The following RGS20 variants were observed in gnomAD, a reference collection of about 807,000 sequenced individuals.
RGS20 encodes the protein gz-selective GTPase-activating protein.
A neutral mutation model predicts 33.6 loss-of-function variants in RGS20; 30 were observed. The ratio of observed to expected loss-of-function variants is 0.89; its 90% CI spans 0.67 to 1.21. RGS20 has a LOEUF of 1.21. Ranked by LOEUF, RGS20 falls within the 50% of genes most tolerant of loss-of-function variation. The pLI, the probability that RGS20 is intolerant of heterozygous loss-of-function variation, is 0.00. For synonymous variants in RGS20, 208 were observed against 197.9 expected (o/e 1.05, Z -0.43); for missense variants, 472 against 502.4 (o/e 0.94, Z 0.58).
At chr8:53,879,775 G>GCTACCGGGACACCGCCC in intron 2 of RGS20, 1 of 513,322 alleles carries the variant, frequency 1.9e-6, no homozygotes, top group Non-Finnish European at 3.2e-6. Context: ...GACATTGGCG[G>GCTACCGGGACACCGCCC]CTCCCGGGAC....
intron 1 of RGS20, among the ~76,000 whole-genome samples, chr8:53,869,463 G>A (rs984445991): frequency 1.3e-5 from 2 of 152,132 alleles, no homozygotes; most frequent in Non-Finnish European, 2.9e-5. Context: ...ATCACTTGAG[G>A]TCAGGAGTTC....
At chr8:53,938,906 G>A (rs758933160) in intron 2 of RGS20, among the ~76,000 whole-genome samples, 20 of 152,306 alleles carry the variant, frequency 1.3e-4, no homozygotes, top group Admixed American at 2.6e-4. Context: ...TCCCTGGTAC[G>A]GAAAGACAGG....
At chr8:53,879,988 G>A (rs1375071762) in intron 2 of RGS20, 1 of 222,726 alleles carries the variant, frequency 4.5e-6, no homozygotes, top group Non-Finnish European at 8.7e-6. Flanking sequence ...CCACTCCCCT[G>A]CCCTCTCGGC....
intron 4 of RGS20, among the ~76,000 whole-genome samples, chr8:53,949,362 AATAT>A (rs1814646014): frequency 6.7e-6 from 1 of 149,036 alleles, no homozygotes. Context: ...AACATTTGAA[AATAT>A]ATATCCTTCT....
chr8:53,910,122 C>T (rs1340738704), intron 2 of RGS20, among the ~76,000 whole-genome samples: 1 of 152,108 alleles, frequency 6.6e-6, no homozygotes, highest in Non-Finnish European at 1.5e-5. Flanking sequence ...AATCATTCAT[C>T]ACATATGTAT....
chr8:53,866,955 T>C (rs1811935152), intron 1 of RGS20, among the ~76,000 whole-genome samples: 1 of 152,040 alleles, frequency 6.6e-6, no homozygotes. Flanking sequence ...GGAGACTGAT[T>C]ACGTATCAGA....
chr8:53,894,583 T>TA (rs1195436031), intron 2 of RGS20, among the ~76,000 whole-genome samples: 1 of 152,146 alleles, frequency 6.6e-6, no homozygotes, highest in Non-Finnish European at 1.5e-5. Flanking sequence ...CCTACACAAA[T>TA]AATCCAAATC....
chr8:53,925,879 C>T (rs190526898), intron 2 of RGS20, among the ~76,000 whole-genome samples: 122 of 152,126 alleles, frequency 8.0e-4, no homozygotes, highest in African/African-American at 2.7e-3. Context: ...CATGATCTAC[C>T]CAGCCATACT....
chr8:53,936,896 T>TA (rs1328732668), intron 2 of RGS20, among the ~76,000 whole-genome samples: 1 of 152,028 alleles, frequency 6.6e-6, no homozygotes, highest in Non-Finnish European at 1.5e-5. Flanking sequence ...CCAAAACAGA[T>TA]ATATAGACCA....
intron 2 of RGS20, among the ~76,000 whole-genome samples, chr8:53,909,406 T>C (rs766899424): frequency 3.3e-5 from 5 of 151,228 alleles, no homozygotes; most frequent in African/African-American, 9.7e-5. Flanking sequence ...CGCACCACCA[T>C]ATATGGCTAA....
At chr8:53,933,916 G>C (rs1373566949) in intron 2 of RGS20, among the ~76,000 whole-genome samples, 2 of 152,206 alleles carry the variant, frequency 1.3e-5, no homozygotes, top group Non-Finnish European at 2.9e-5. Flanking sequence ...TCTCTCTGCA[G>C]AAACCCTACA....
At chr8:53,917,716 C>G (rs1472033569) in intron 2 of RGS20, among the ~76,000 whole-genome samples, 1 of 152,158 alleles carries the variant, frequency 6.6e-6, no homozygotes, top group Non-Finnish European at 1.5e-5. Context: ...CTGCAGTGAG[C>G]TACTATCACA....
chr8:53,870,130 T>C (rs375113953), intron 1 of RGS20, among the ~76,000 whole-genome samples: 1 of 152,150 alleles, frequency 6.6e-6, no homozygotes, highest in Non-Finnish European at 1.5e-5. Flanking sequence ...ATATACAGTA[T>C]AGTCAGTCTC....
At chr8:53,872,906 ACTAT>A (rs1304493259) in intron 1 of RGS20, among the ~76,000 whole-genome samples, 3 of 152,134 alleles carry the variant, frequency 2.0e-5, no homozygotes, top group Admixed American at 2.0e-4. Flanking sequence ...ATTCAATGGC[ACTAT>A]CTATTTCCAG....
chr8:53,912,429 G>A (rs1246868240), intron 2 of RGS20, among the ~76,000 whole-genome samples: 1 of 136,720 alleles, frequency 7.3e-6, no homozygotes, highest in African/African-American at 2.8e-5. Context: ...GCATCTCTTT[G>A]TTTTGCATGA....
At chr8:53,956,426 A>G (rs943877119) in intron 5 of RGS20, among the ~76,000 whole-genome samples, 8 of 152,174 alleles carry the variant, frequency 5.3e-5, no homozygotes, top group Admixed American at 2.6e-4. Context: ...TTGAAAGACC[A>G]GTAGGGCTGC....
At chr8:53,863,727 CT>C (rs370117372) in intron 1 of RGS20, among the ~76,000 whole-genome samples, 6,852 of 129,188 alleles carry the variant, frequency 0.053, 141 homozygotes, top group East Asian at 0.13. Flanking sequence ...TTTGTTTTAT[CT>C]TTTTTTTTTT....
chr8:53,882,231 G>T (rs1585882916), intron 2 of RGS20, among the ~76,000 whole-genome samples: 1 of 152,292 alleles, frequency 6.6e-6, no homozygotes, highest in African/African-American at 2.4e-5. Context: ...CCGGGAGGGG[G>T]TCTATAGGCG....
chr8:53,883,346 T>C (rs1020833216), intron 2 of RGS20, among the ~76,000 whole-genome samples: 10 of 152,132 alleles, frequency 6.6e-5, no homozygotes, highest in African/African-American at 2.4e-4. Context: ...GTATTTTTAG[T>C]GGAGACGGGG....
Sources: allele counts gnomAD v4.1 joint callset (sites outside exome capture counted in the v4.1 genomes callset), GRCh38; gene constraint gnomAD v4.1.1; transcripts MANE v1.5; gene names NCBI Gene and HGNC (gene_info 2026-07-23, HGNC 2026-07-21).